SPTLC3: variants seen among roughly 807,000 people sequenced by gnomAD.
SPTLC3 encodes the protein serine palmitoyltransferase 3.
A neutral mutation model predicts 59.3 loss-of-function variants in SPTLC3; 36 were observed. The observed-to-expected ratio is 0.61, with a 90% CI of 0.47 to 0.80. The LOEUF is 0.80. Ranked by LOEUF, SPTLC3 falls within the 30% of genes least tolerant of loss-of-function variation. The pLI is 0.00. For missense variants in SPTLC3, 625 were observed against 685.1 expected (o/e 0.91, Z 0.98); for synonymous variants, 257 against 240.8 (o/e 1.07, Z -0.62).
In SPTLC3 at chr20:13,009,065, G is replaced by A. The variant is rs575472141; in HGVS notation, c.-203G>A. 1.8e-6 allele frequency: 1 copy of A among 544,172 alleles called. No homozygotes were observed. The highest frequency in any genetic ancestry group is 3.3e-6 in the Non-Finnish European group (1 of 304,790). The allele number at this position is 544,172 out of a possible 1,614,324, so 33.7% of individuals were successfully genotyped here. The stretch of plus-strand genomic sequence containing the variant: ...TTCACATTTTGACGGGAGTTGAGAA[G>A]TATAAAGGTAACCATTTGTTTTAGT... On this transcript the variant is annotated 5_prime_UTR_variant, in exon 1 of 12. Transcript: ENST00000399002.
chr20:13,146,298 A>T (rs1214832844), intron 9 of SPTLC3, among the ~76,000 whole-genome samples: 1 of 152,146 alleles, frequency 6.6e-6, no homozygotes, highest in Non-Finnish European at 1.5e-5. Context: ...GGGAGGAGGG[A>T]GAGGAGCAGA....
chr20:13,129,298 G>A (rs113264744), intron 9 of SPTLC3, among the ~76,000 whole-genome samples: 1 of 152,170 alleles, frequency 6.6e-6, no homozygotes, highest in African/African-American at 2.4e-5. Context: ...CACTGTGCCT[G>A]TCTTAAACAG....
In SPTLC3 at chr20:13,154,096, C is replaced by T. The variant is rs945034112; in HGVS notation, c.1373C>T (p.Ala458Val). The T allele has an allele frequency of 1.9e-6, 3 of 1,613,984 alleles. No homozygotes were observed. Among genetic ancestry groups the T allele is most frequent in the African/African-American group, 1.3e-5 (1 of 74,928 alleles). The change falls in exon 10 of 12, where the codon GCT (alanine) becomes GTT (valine). Residue 458 changes from alanine to valine, a missense_variant. Ala to Val is a moderately conservative substitution (Grantham distance 64, BLOSUM62 0). Transcript: ENST00000399002. Reference protein sequence around the residue: ...MGFIIYGNENASVVPLLLYMP... With the variant: ...MGFIIYGNENVSVVPLLLYMP... ...TTCATTATCTATGGCAATGAGAATGCTTCTGTTGTTCCTCTGCTTCTTTAT... is the reference window on the plus strand; with the variant it reads ...TTCATTATCTATGGCAATGAGAATGTTTCTGTTGTTCCTCTGCTTCTTTAT...
chr20:13,039,733 C>A (rs1220240496), intron 1 of SPTLC3, among the ~76,000 whole-genome samples: 1 of 151,892 alleles, frequency 6.6e-6, no homozygotes, highest in Non-Finnish European at 1.5e-5. Flanking sequence ...TGAATATTTT[C>A]TAGTATGATA....
chr20:13,086,267 G>C (rs1989002340), intron 4 of SPTLC3, among the ~76,000 whole-genome samples: 1 of 152,174 alleles, frequency 6.6e-6, no homozygotes, highest in African/African-American at 2.4e-5. Context: ...AGCTTCTAGT[G>C]ACTACTTTAT....
At chr20:13,082,800 A>T (rs1329031175) in intron 4 of SPTLC3, among the ~76,000 whole-genome samples, 9 of 152,198 alleles carry the variant, frequency 5.9e-5, no homozygotes, top group Admixed American at 2.0e-4. Flanking sequence ...TTTAGACTAA[A>T]AAACTCTCAC....
At position 13,164,967 on chromosome 20, in the gene SPTLC3, A is replaced by G. The variant is rs1322734158; in HGVS notation, c.*100A>G. Reference sequence around the variant, plus strand: ...GGATTTCTCCCCCTTCCTCAGGACAATTTTGGTTCCCAGACCAGCTTGATT... The same window carrying G: ...GGATTTCTCCCCCTTCCTCAGGACAGTTTTGGTTCCCAGACCAGCTTGATT... On this transcript the variant is annotated 3_prime_UTR_variant, in exon 12 of 12. Transcript: ENST00000399002. 1.9e-6 allele frequency: 2 copies of G among 1,056,358 alleles called. No homozygotes were observed. Among genetic ancestry groups the G allele is most frequent in the Non-Finnish European group, 2.7e-6 (2 of 737,776 alleles). 65.4% of individuals were successfully genotyped at this position (1,056,358 alleles called of 1,614,324 possible). A position where few individuals can be genotyped will look rare whatever the true frequency, so the allele number is the denominator to read the frequency against.
intron 1 of SPTLC3, among the ~76,000 whole-genome samples, chr20:13,041,078 T>C (rs918170306): frequency 6.6e-6 from 1 of 152,194 alleles, no homozygotes; most frequent in Admixed American, 6.5e-5. Context: ...TTTGCCTTTA[T>C]TCAAATGGAT....
At position 13,117,575 on chromosome 20, in the gene SPTLC3, C is replaced by T. The variant is rs1481006380; in HGVS notation, c.1002C>T (p.Tyr334=). The T allele has an allele frequency of 1.2e-6, 2 of 1,611,862 alleles. No individual in the cohort carries two copies. Among genetic ancestry groups the T allele is most frequent in the Non-Finnish European group, 1.7e-6 (2 of 1,178,686 alleles). The change falls in exon 8 of 12, where the codon TAC becomes TAT. Residue 334 remains tyrosine, a synonymous_variant. Coordinates refer to ENST00000399002, the MANE Select transcript of SPTLC3 (RefSeq NM_018327.4). ...ALKKKYKAYL[Y]IDEAHSIGAV... ...AGAAGAAATACAAGGCTTACCTCTA[C>T]ATAGATGAAGCTCACAGTATTGGGG...
At chr20:13,151,406 A>G (rs997997052) in intron 9 of SPTLC3, among the ~76,000 whole-genome samples, 1 of 152,152 alleles carries the variant, frequency 6.6e-6, no homozygotes. Flanking sequence ...TGCTCCATTC[A>G]TTGTCTGTGG....
At position 13,064,289 on chromosome 20, in the gene SPTLC3, GTTTTTGTTTTTGTTTTTGT is replaced by G. The variant is rs1568584886; in HGVS notation, c.304-7962_304-7944del. ...TCCTTTTCTTTTTTTTTTTTGTTTT[GTTTTTGTTTTTGTTTTTGT>G]TTTTGTTTTTGTTTTTGTTTTAGAC... On this transcript the variant is annotated intron_variant, in intron 2 of 11. Coordinates refer to ENST00000399002, the MANE Select transcript of SPTLC3 (RefSeq NM_018327.4). Among the ~76,000 whole-genome samples, 33 of 38,244 alleles carry G rather than the reference GTTTTTGTTTTTGTTTTTGT, an allele frequency of 8.6e-4. 1 individual carries two copies. The highest frequency in any genetic ancestry group is 7.9e-3 in the South Asian group (12 of 1,518). The allele number at this position is 38,244 out of a possible 152,430, so 25.1% of individuals were successfully genotyped here.
intron 6 of SPTLC3, among the ~76,000 whole-genome samples, chr20:13,100,018 A>G (rs1989549345): frequency 2.0e-5 from 3 of 152,196 alleles, no homozygotes; most frequent in Admixed American, 2.0e-4. Context: ...CCTCTGCTTC[A>G]TGTCCTCTCC....
At chr20:13,109,385 C>T (rs899511556) in intron 6 of SPTLC3, among the ~76,000 whole-genome samples, 7 of 152,176 alleles carry the variant, frequency 4.6e-5, no homozygotes, top group African/African-American at 9.6e-5. Flanking sequence ...GATTCTGTTG[C>T]TTATGATAGA....
intron 1 of SPTLC3, among the ~76,000 whole-genome samples, chr20:13,033,966 A>C (rs75943885): frequency 0.055 from 8,378 of 152,112 alleles, 270 homozygotes; most frequent in South Asian, 0.083. Context: ...AAACAGAAGA[A>C]ACTGAAGAAA....
chr20:13,029,394 C>A (rs1231117376), intron 1 of SPTLC3, among the ~76,000 whole-genome samples: 1 of 152,176 alleles, frequency 6.6e-6, no homozygotes, highest in African/African-American at 2.4e-5. Context: ...CTATTCACTT[C>A]TTTCGGCTCA....
At chr20:13,078,130 A>G (rs1988711263) in intron 4 of SPTLC3, among the ~76,000 whole-genome samples, 1 of 148,132 alleles carries the variant, frequency 6.8e-6, no homozygotes, top group Non-Finnish European at 1.5e-5. Context: ...TATTACTTAT[A>G]AAACTATTAC....
chr20:13,028,743 G>T (rs1407508463), intron 1 of SPTLC3, among the ~76,000 whole-genome samples: 1 of 152,064 alleles, frequency 6.6e-6, no homozygotes, highest in Non-Finnish European at 1.5e-5. Context: ...TCAAAACCAG[G>T]ATCAAAGCCA....
intron 2 of SPTLC3, among the ~76,000 whole-genome samples, chr20:13,054,825 C>A (rs1283989042): frequency 6.6e-6 from 1 of 151,622 alleles, no homozygotes; most frequent in African/African-American, 2.4e-5. Flanking sequence ...GGAATCAAAG[C>A]CAGGGAAGTA....
At chr20:13,049,393 C>G (rs1316596011) in intron 2 of SPTLC3, 2 of 354,972 alleles carry the variant, frequency 5.6e-6, no homozygotes, top group Non-Finnish European at 1.1e-5. Context: ...ATTTTTGTAA[C>G]AACCCCATGA....
Sources: gnomAD v4.1 joint callset for allele counts (sites outside exome capture counted in the v4.1 genomes callset) on GRCh38, gnomAD v4.1.1 for gene constraint, MANE v1.5 for transcripts, NCBI Gene and HGNC (gene_info 2026-07-23, HGNC 2026-07-21) for gene names.